Variants in ASIC2 observed in about 807,000 individuals in gnomAD.
ASIC2 encodes acid sensing ion channel subunit 2.
In ASIC2, 25 loss-of-function variants were observed where a neutral mutation model predicts 57.3. The observed-to-expected ratio is 0.44, with a 90% CI of 0.32 to 0.61. The LOEUF (loss-of-function observed/expected upper bound fraction) is 0.61. Among genes scored for constraint, ASIC2 ranks in the 20% least tolerant of loss-of-function variants. The probability of loss-of-function intolerance (pLI) is 0.06; values close to 1 mark genes in which losing one functional copy is unlikely to be tolerated. For synonymous variants in ASIC2, 319 were observed against 307.5 expected (o/e 1.04, Z -0.39); for missense variants, 641 against 738.1 (o/e 0.87, Z 1.52).
At chr17:33,880,040 A>T (rs1914660641) in intron 1 of ASIC2, among the ~76,000 whole-genome samples, 2 of 152,184 alleles carry the variant, frequency 1.3e-5, no homozygotes, top group African/African-American at 4.8e-5. Context: ...AGAAATAAAG[A>T]TGTTCTTTGA....
chr17:33,708,126 TG>T (rs1481028108), intron 1 of ASIC2, among the ~76,000 whole-genome samples: 1 of 152,162 alleles, frequency 6.6e-6, no homozygotes, highest in Non-Finnish European at 1.5e-5. Context: ...GAAGGGAATG[TG>T]GGGGTCTAAT....
chr17:33,352,814 C>A (rs535463397), intron 1 of ASIC2, among the ~76,000 whole-genome samples: 1 of 152,136 alleles, frequency 6.6e-6, no homozygotes. Flanking sequence ...AGTTTCTCTT[C>A]GGCTGTTAGA....
intron 1 of ASIC2, among the ~76,000 whole-genome samples, chr17:33,148,781 T>C (rs1904666411): frequency 6.6e-6 from 1 of 152,132 alleles, no homozygotes; most frequent in African/African-American, 2.4e-5. Flanking sequence ...TAATAAGAAA[T>C]AAAAAGTTGT....
rs555542024 is a variant in ASIC2, at chr17:33,826,535, A to G, written c.555+329443T>C. Among the ~76,000 whole-genome samples, 26 of 152,326 alleles carry G rather than the reference A, an allele frequency of 1.7e-4. No homozygotes were observed. In the South Asian group the frequency reaches 4.8e-3, roughly 28 times the overall value. Reference sequence around the variant, plus strand: ...CAGGGCTGGAGGAACGTTGGCGATCACGTAGCCCATTGCCTTTATTTCACC... The same window carrying G: ...CAGGGCTGGAGGAACGTTGGCGATCGCGTAGCCCATTGCCTTTATTTCACC... On this transcript the variant is annotated intron_variant, in intron 1 of 9. Coordinates refer to the ASIC2 transcript ENST00000359872.
chr17:33,697,589 C>A (rs1567691751), intron 1 of ASIC2, among the ~76,000 whole-genome samples: 1 of 152,294 alleles, frequency 6.6e-6, no homozygotes, highest in East Asian at 1.9e-4. Flanking sequence ...ACATTCCTTT[C>A]CAAAGAAACA....
Position 33,797,115 on chromosome 17 carries a change from C to T in ASIC2, c.555+358863G>A, listed in dbSNP as rs79674440. 3.3e-4 allele frequency among the ~76,000 whole-genome samples: 51 copies of T among 152,262 alleles called. No homozygotes were observed. In the East Asian group the frequency reaches 7.5e-3, roughly 22 times the overall value. On this transcript the variant is annotated intron_variant, in intron 1 of 9. Coordinates refer to the ASIC2 transcript ENST00000359872. The stretch of plus-strand genomic sequence containing the variant: ...CTCAGTGCCATAGTTTCACCCCTGA[C>T]GCAGTGCCCAGTACATCAATATGTT...
chr17:33,860,975 G>A (rs1379113072), intron 1 of ASIC2, among the ~76,000 whole-genome samples: 3 of 152,166 alleles, frequency 2.0e-5, no homozygotes, highest in African/African-American at 7.2e-5. Flanking sequence ...GTACTAAAGT[G>A]GGAGTAAAAA....
At chr17:33,669,601 C>A (rs531117421) in intron 1 of ASIC2, among the ~76,000 whole-genome samples, 1 of 152,320 alleles carries the variant, frequency 6.6e-6, no homozygotes, top group Admixed American at 6.5e-5. Context: ...CACTGACCAG[C>A]TTGTGTTAAC....
chr17:33,737,789 G>C (rs1909966307), intron 1 of ASIC2, among the ~76,000 whole-genome samples: 1 of 152,178 alleles, frequency 6.6e-6, no homozygotes, highest in African/African-American at 2.4e-5. Context: ...GGAAGAGACA[G>C]TTTACTTTGA....
intron 1 of ASIC2, among the ~76,000 whole-genome samples, chr17:34,035,762 G>C (rs1907850400): frequency 6.6e-6 from 1 of 152,138 alleles, no homozygotes; most frequent in South Asian, 2.1e-4. Flanking sequence ...CATTTATGCA[G>C]CCAAAACACA....
chr17:33,733,534 T>G (rs1909812748), intron 1 of ASIC2, among the ~76,000 whole-genome samples: 1 of 152,202 alleles, frequency 6.6e-6, no homozygotes, highest in Non-Finnish European at 1.5e-5. Flanking sequence ...TGTGCATACA[T>G]TCCTCTCTGA....
intron 3 of ASIC2, among the ~76,000 whole-genome samples, chr17:33,048,670 G>A (rs938994958): frequency 6.6e-6 from 1 of 152,146 alleles, no homozygotes; most frequent in African/African-American, 2.4e-5. Context: ...CAGGTCTGGA[G>A]CCCTGGGCCT....
chr17:33,188,577 AC>A (rs1483149656), intron 1 of ASIC2, among the ~76,000 whole-genome samples: 1 of 152,190 alleles, frequency 6.6e-6, no homozygotes, highest in Non-Finnish European at 1.5e-5. Context: ...AAACAAAGAC[AC>A]ATTATATGCA....
chr17:33,676,732 A>C (rs1451843943), intron 1 of ASIC2, among the ~76,000 whole-genome samples: 1 of 152,240 alleles, frequency 6.6e-6, no homozygotes, highest in Non-Finnish European at 1.5e-5. Flanking sequence ...CTGATGTAGA[A>C]GCTGCAGCAA....
At chr17:33,494,345 G>A (rs994509039) in intron 1 of ASIC2, among the ~76,000 whole-genome samples, 12 of 151,988 alleles carry the variant, frequency 7.9e-5, no homozygotes, top group South Asian at 6.2e-4. Flanking sequence ...TGCATGGGTC[G>A]TTGCCATGGT....
At chr17:33,040,752 A>G (rs1347934473) in intron 3 of ASIC2, among the ~76,000 whole-genome samples, 1 of 152,194 alleles carries the variant, frequency 6.6e-6, no homozygotes, top group African/African-American at 2.4e-5. Context: ...TGTTTTTCAG[A>G]CAGCATAGTC....
At chr17:34,131,594 G>C (rs1181035231) in intron 1 of ASIC2, among the ~76,000 whole-genome samples, 1 of 152,212 alleles carries the variant, frequency 6.6e-6, no homozygotes, top group Non-Finnish European at 1.5e-5. Flanking sequence ...CATTCCTGGG[G>C]GGAAGCCAGC....
chr17:33,654,316 T>A (rs1262465411), intron 1 of ASIC2, among the ~76,000 whole-genome samples: 2 of 152,160 alleles, frequency 1.3e-5, no homozygotes, highest in African/African-American at 2.4e-5. Context: ...GAAGTGAAGA[T>A]CAACATTTTT....
intron 1 of ASIC2, among the ~76,000 whole-genome samples, chr17:33,951,290 T>G: frequency 6.6e-6 from 1 of 152,136 alleles, no homozygotes; most frequent in Middle Eastern, 3.2e-3. Context: ...ATTGTACAGA[T>G]GAAGAAAATG....
Sources: gnomAD v4.1 joint callset for allele counts (sites outside exome capture counted in the v4.1 genomes callset) on GRCh38, gnomAD v4.1.1 for gene constraint, MANE v1.5 for transcripts, NCBI Gene and HGNC (gene_info 2026-07-23, HGNC 2026-07-21) for gene names.